CACNB2: variants seen among roughly 807,000 people sequenced by gnomAD.
The protein encoded by CACNB2 is voltage-dependent L-type calcium channel subunit beta-2.
In CACNB2, 42 loss-of-function variants were observed where a neutral mutation model predicts 73.3. That is an observed-to-expected ratio of 0.57 (90% CI 0.45 to 0.74). The LOEUF is 0.74. Among genes scored for constraint, CACNB2 ranks in the 30% least tolerant of loss-of-function variants. CACNB2 has a pLI of 0.00. For synonymous variants in CACNB2, 348 were observed against 310.3 expected (o/e 1.12, Z -1.28); for missense variants, 940 against 853.0 (o/e 1.10, Z -1.27).
At chr10:18,289,441 C>T (rs1484675795) in intron 2 of CACNB2, among the ~76,000 whole-genome samples, 1 of 151,080 alleles carries the variant, frequency 6.6e-6, no homozygotes, top group Non-Finnish European at 1.5e-5. Flanking sequence ...ACTACAGGTG[C>T]CTGACACCAC....
intron 3 of CACNB2, among the ~76,000 whole-genome samples, chr10:18,488,599 C>A (rs2049213135): frequency 6.6e-6 from 1 of 151,800 alleles, no homozygotes; most frequent in African/African-American, 2.4e-5. Context: ...TGAGGGACAC[C>A]CATCGTTCTA....
chr10:18,481,477 C>T (rs1388058564), intron 3 of CACNB2, among the ~76,000 whole-genome samples: 1 of 151,072 alleles, frequency 6.6e-6, no homozygotes, highest in Non-Finnish European at 1.5e-5. Context: ...AAACTCCTGA[C>T]CTCAAGTGAT....
chr10:18,244,674 G>T (rs1175761666), intron 2 of CACNB2, among the ~76,000 whole-genome samples: 3 of 152,204 alleles, frequency 2.0e-5, no homozygotes, highest in South Asian at 2.1e-4. Flanking sequence ...GAGAAGGATG[G>T]CTCCCTACCA....
intron 2 of CACNB2, among the ~76,000 whole-genome samples, chr10:18,350,948 T>C (rs1379355771): frequency 1.3e-5 from 2 of 152,178 alleles, no homozygotes; most frequent in Non-Finnish European, 2.9e-5. Context: ...TTTAATCTTC[T>C]CTAAACAAGT....
At chr10:18,154,498 C>T (rs567193099) in intron 2 of CACNB2, among the ~76,000 whole-genome samples, 13 of 151,926 alleles carry the variant, frequency 8.6e-5, no homozygotes, top group Admixed American at 5.9e-4. Flanking sequence ...GGTGGAGTCT[C>T]ACTCTGTCGC....
chr10:18,504,815 T>G (rs1337737947), intron 5 of CACNB2, among the ~76,000 whole-genome samples: 1 of 152,118 alleles, frequency 6.6e-6, no homozygotes, highest in Admixed American at 6.5e-5. Flanking sequence ...CAGCTAATTT[T>G]TGTATTTTTA....
intron 2 of CACNB2, among the ~76,000 whole-genome samples, chr10:18,175,142 C>G (rs2033504216): frequency 1.3e-5 from 2 of 152,076 alleles, no homozygotes; most frequent in African/African-American, 4.8e-5. Context: ...TTAGGATATT[C>G]CAGGTTTCTT....
intron 3 of CACNB2, among the ~76,000 whole-genome samples, chr10:18,431,387 T>C (rs1589332884): frequency 6.6e-6 from 1 of 152,224 alleles, no homozygotes; most frequent in East Asian, 1.9e-4. Flanking sequence ...GCTTTTCTAC[T>C]GATGCCTCAA....
rs1236067349 is a variant in CACNB2 at position 18,540,304 on chromosome 10, G to GCAAA, written c.*587_*590dup. ...TAGACAGTTTGTAAATGTTATTTCT[G>GCAAA]CAAACAAACACCTTCTTATTATATA... On this transcript the variant is annotated 3_prime_UTR_variant, in exon 14 of 14. Transcript: ENST00000324631. 6.8e-5 allele frequency: 10 copies of GCAAA among 146,962 alleles called. No individual in the cohort carries two copies. In the East Asian group the frequency reaches 1.2e-3, roughly 17 times the overall value. The allele number at this position is 146,962 out of a possible 1,614,324, so 9.1% of individuals were successfully genotyped here.
rs182525165 is a variant in CACNB2, at chr10:18,494,525, G to A, written c.334-3830G>A. ...CGGGCACCTGTAGTCCCAGCTACTC[G>A]GGAGGCTGAGGCAGGAGAATGGCAT... On this transcript the variant is annotated intron_variant, in intron 3 of 13. Coordinates refer to ENST00000324631, the MANE Select transcript of CACNB2 (RefSeq NM_201596.3). Among the ~76,000 whole-genome samples the A allele has an allele frequency of 3.5e-4, 53 of 151,778 alleles. 1 individual carries two copies. The East Asian group carries it at 5.4e-3, about 16-fold the overall frequency.
intron 2 of CACNB2, among the ~76,000 whole-genome samples, chr10:18,393,918 G>A (rs2043596903): frequency 6.6e-6 from 1 of 152,060 alleles, no homozygotes; most frequent in Non-Finnish European, 1.5e-5. Context: ...TACTTTCGTT[G>A]TGCCTTTTTG....
intron 2 of CACNB2, among the ~76,000 whole-genome samples, chr10:18,389,323 G>C (rs1338604190): frequency 6.6e-6 from 1 of 152,058 alleles, no homozygotes; most frequent in African/African-American, 2.4e-5. Flanking sequence ...TGTTTTTGTA[G>C]AGACAGGGTC....
chr10:18,232,852 C>A (rs1405104522), intron 2 of CACNB2, among the ~76,000 whole-genome samples: 1 of 152,130 alleles, frequency 6.6e-6, no homozygotes, highest in Non-Finnish European at 1.5e-5. Context: ...TTCTGGGAAG[C>A]CTAGACAGGC....
At chr10:18,245,832 A>G (rs1459414278) in intron 2 of CACNB2, among the ~76,000 whole-genome samples, 3 of 152,132 alleles carry the variant, frequency 2.0e-5, no homozygotes, top group African/African-American at 7.2e-5. Flanking sequence ...AAGTGTTCCT[A>G]TCTGTACAAG....
At chr10:18,473,613 A>G (rs1429597959) in intron 3 of CACNB2, among the ~76,000 whole-genome samples, 3 of 152,166 alleles carry the variant, frequency 2.0e-5, no homozygotes, top group Non-Finnish European at 4.4e-5. Context: ...CCATCAGTCA[A>G]TACTTTTCTG....
At chr10:18,229,963 G>A (rs78183828) in intron 2 of CACNB2, among the ~76,000 whole-genome samples, 7,153 of 152,222 alleles carry the variant, frequency 0.047, 596 homozygotes, top group African/African-American at 0.16. Context: ...CAAGCATAGA[G>A]AAATCTTGTG....
At chr10:18,166,234 A>G (rs1190580070) in intron 2 of CACNB2, among the ~76,000 whole-genome samples, 1 of 152,306 alleles carries the variant, frequency 6.6e-6, no homozygotes, top group Non-Finnish European at 1.5e-5. Context: ...AATTAATAAT[A>G]ATTCAATTAA....
chr10:18,313,194 C>T lies in CACNB2; in HGVS notation c.214-88730C>T, dbSNP rs183279013. 6.6e-5 allele frequency among the ~76,000 whole-genome samples: 10 copies of T among 150,812 alleles called. No individual in the cohort carries two copies. In the East Asian group the frequency reaches 1.9e-3, roughly 29 times the overall value. ...TAAGGGGTGTTTTCTTTTATATCTCCAGTATATTCCCACTAGCACTGAGCA... is the reference window on the plus strand; with the variant it reads ...TAAGGGGTGTTTTCTTTTATATCTCTAGTATATTCCCACTAGCACTGAGCA... On this transcript the variant is annotated intron_variant, in intron 2 of 13. Coordinates refer to ENST00000324631, the MANE Select transcript of CACNB2 (RefSeq NM_201596.3).
At chr10:18,167,499 G>C (rs903344253) in intron 2 of CACNB2, among the ~76,000 whole-genome samples, 1 of 152,124 alleles carries the variant, frequency 6.6e-6, no homozygotes, top group Non-Finnish European at 1.5e-5. Flanking sequence ...ATACAGCCTC[G>C]GGGAGGAGGG....
Sources: gnomAD v4.1 joint callset for allele counts (sites outside exome capture counted in the v4.1 genomes callset) on GRCh38, gnomAD v4.1.1 for gene constraint, MANE v1.5 for transcripts, NCBI Gene and HGNC (gene_info 2026-07-23, HGNC 2026-07-21) for gene names.